Variants in SCGB1D1 observed in about 807,000 individuals in gnomAD.
SCGB1D1 encodes lipophilin A (uteroglobin family member).
Under a neutral mutation model 8.3 loss-of-function variants are expected in SCGB1D1, and 10 were observed. The ratio of observed to expected loss-of-function variants is 1.21; its 90% CI spans 0.74 to 2.05. The LOEUF (loss-of-function observed/expected upper bound fraction) is 2.05, where lower values mean the gene tolerates loss of function less well. Among genes scored for constraint, SCGB1D1 ranks in the 30% most tolerant of loss-of-function variants. The probability of loss-of-function intolerance (pLI) is 0.00; values close to 1 mark genes in which losing one functional copy is unlikely to be tolerated. For synonymous variants in SCGB1D1, 46 were observed against 41.7 expected (o/e 1.10, Z -0.39); for missense variants, 94 against 105.1 (o/e 0.89, Z 0.46).
intron 2 of SCGB1D1, among the ~76,000 whole-genome samples, 189 bp downstream of exon 2, chr11:62,192,432 G>A (rs187288066): frequency 6.6e-6 from 1 of 152,312 alleles, no homozygotes; most frequent in East Asian, 1.9e-4. Flanking sequence ...CAACTCAGCT[G>A]CACACAGCCT....
rs1454432001 is a variant in SCGB1D1 at position 62,193,422 on chromosome 11, T to A, written c.267T>A (p.Asp89Glu). 6.2e-7 allele frequency: 1 copy of A among 1,612,668 alleles called. No homozygotes were observed. The highest frequency in any genetic ancestry group is 8.5e-7 in the Non-Finnish European group (1 of 1,179,386). The change falls in exon 3 of 3, where the codon GAT becomes GAA. Residue 89 changes from aspartate to glutamate, a missense_variant. Physicochemically the swap from Asp to Glu is conservative, Grantham distance 45 (BLOSUM62 2). Coordinates refer to ENST00000306238, the MANE Select transcript of SCGB1D1 (RefSeq NM_006552.2). ...AGGGAAAAATAGCAGAGAAATGTGA[T>A]CGCTGAGATGTAAAAAGTTTTTAAT... ...KTLGKIAEKC[D>E]R
chr11:62,192,701 G>C (rs1388878760), intron 2 of SCGB1D1, among the ~76,000 whole-genome samples: 1 of 152,188 alleles, frequency 6.6e-6, no homozygotes. Flanking sequence ...TGCTGCGCTG[G>C]AGGGCTGGAC....
chr11:62,191,532 T>C (rs1016019593), intron 1 of SCGB1D1, among the ~76,000 whole-genome samples: 118 of 152,374 alleles, frequency 7.7e-4, no homozygotes, highest in African/African-American at 2.6e-3. Context: ...TCTGTCTGTA[T>C]TGAATCACAT....
intron 2 of SCGB1D1, 22 bp downstream of exon 2, chr11:62,192,265 T>C (rs762565988): frequency 3.1e-6 from 5 of 1,588,928 alleles, no homozygotes; most frequent in Non-Finnish European, 4.3e-6. Context: ...CTCTTTCATG[T>C]GTCCAGGCTT....
chr11:62,192,208 G>T lies in SCGB1D1; in HGVS notation c.208G>T (p.Ala70Ser), dbSNP rs1441698948. Residue 70 changes from alanine to serine, a missense_variant, in exon 2 of 3, where the codon GCC becomes TCC. Coordinates refer to ENST00000306238, the MANE Select transcript of SCGB1D1 (RefSeq NM_006552.2). ...MEVKKCVDTMAYEKRVLITKT... is the reference protein window; with the variant it reads ...MEVKKCVDTMSYEKRVLITKT... Reference sequence around the variant, plus strand: ...AGTGAAGAAATGCGTGGATACGATGGCCTATGAGAAAAGAGTGCTAATTAC... The same window carrying T: ...AGTGAAGAAATGCGTGGATACGATGTCCTATGAGAAAAGAGTGCTAATTAC... 11 of 1,612,954 alleles carry T rather than the reference G, an allele frequency of 6.8e-6. No individual in the cohort carries two copies. The highest frequency in any genetic ancestry group is 5.0e-5 in the Admixed American group (3 of 59,968).
chr11:62,190,809 C>T (rs1303356722), intron 1 of SCGB1D1, among the ~76,000 whole-genome samples: 1 of 152,188 alleles, frequency 6.6e-6, no homozygotes, highest in Admixed American at 6.5e-5. Context: ...CAGACATTCT[C>T]GTCCCCAGAC....
At chr11:62,192,508 TG>T (rs369467428) in intron 2 of SCGB1D1, among the ~76,000 whole-genome samples, 10 of 152,210 alleles carry the variant, frequency 6.6e-5, no homozygotes, top group African/African-American at 2.4e-4. Flanking sequence ...GCTGAGGACA[TG>T]GGGAGTGAGC....
In SCGB1D1 at chr11:62,190,270, G is replaced by A. The variant is rs1944668476; in HGVS notation, c.-15G>A. ...ATCATTGGTTAAAGCCGAGCTCACA[G>A]CAGAATAAGCCACCATGAGGCTGTC... On this transcript the variant is annotated 5_prime_UTR_variant, in exon 1 of 3. Coordinates refer to ENST00000306238, the MANE Select transcript of SCGB1D1 (RefSeq NM_006552.2). 1 of 1,614,146 alleles carries A rather than the reference G, an allele frequency of 6.2e-7. No individual in the cohort carries two copies.
Position 62,192,108 on chromosome 11 carries a change from A to G in SCGB1D1, c.108A>G (p.Leu36=). ...GTTCTGAAATCACAGGCTTCTTATT[A>G]GCTGGAAAACCTGTGTTCAAGTTCC... The part of the protein sequence containing the change: ...ALGSEITGFL[L]AGKPVFKFQL... Residue 36 remains leucine (L), a synonymous_variant, in exon 2 of 3, where the codon TTA becomes TTG. Coordinates refer to ENST00000306238, the MANE Select transcript of SCGB1D1 (RefSeq NM_006552.2). 1.2e-6 allele frequency: 2 copies of G among 1,613,240 alleles called. No homozygotes were observed. Among genetic ancestry groups the G allele is most frequent in the South Asian group, 2.2e-5 (2 of 91,012 alleles).
rs866476244 is a variant in SCGB1D1, at chr11:62,191,912, A to G, written c.56-144A>G. On this transcript the variant is annotated intron_variant, in intron 1 of 2. Transcript: ENST00000306238. Reference sequence around the variant, plus strand: ...GCTGTGTGACCTCAAGGAAGTCACAACCTCCTGGGTCTGACATTGTCATTG... The same window carrying G: ...GCTGTGTGACCTCAAGGAAGTCACAGCCTCCTGGGTCTGACATTGTCATTG... The G allele has an allele frequency of 1.6e-5, 11 of 671,022 alleles. No individual in the cohort carries two copies. In the Middle Eastern group the frequency reaches 2.7e-3, roughly 165 times the overall value. 41.6% of individuals were successfully genotyped at this position (671,022 alleles called of 1,614,324 possible).
chr11:62,192,083 G>T lies in SCGB1D1; in HGVS notation c.83G>T (p.Gly28Val). ...RANAVVCQAL[G>V]SEITGFLLAG... ...AATGCAGTGGTCTGCCAAGCTCTTGGTTCTGAAATCACAGGCTTCTTATTA... is the reference window on the plus strand; with the variant it reads ...AATGCAGTGGTCTGCCAAGCTCTTGTTTCTGAAATCACAGGCTTCTTATTA... The change falls in exon 2 of 3, where the codon GGT becomes GTT. Residue 28 changes from glycine (G) to valine (V), a missense_variant. Coordinates refer to ENST00000306238, the MANE Select transcript of SCGB1D1 (RefSeq NM_006552.2). The T allele has an allele frequency of 6.2e-7, 1 of 1,611,048 alleles. No homozygotes were observed. The highest frequency in any genetic ancestry group is 1.7e-4 in the Middle Eastern group (1 of 6,050).
intron 1 of SCGB1D1, among the ~76,000 whole-genome samples, chr11:62,190,958 A>C (rs943980557): frequency 2.0e-5 from 3 of 152,200 alleles, no homozygotes; most frequent in African/African-American, 7.2e-5. Context: ...GAAGCCTGCA[A>C]ATGAATTCTT....
chr11:62,191,986 T>C, intron 1 of SCGB1D1, 70 bp from the exon 2 acceptor site: 2 of 1,381,626 alleles, frequency 1.4e-6, no homozygotes, highest in Non-Finnish European at 2.0e-6. Context: ...CTGTCTGGTC[T>C]GACATCAGGG....
intron 2 of SCGB1D1, 152 bp from the exon 3 acceptor site, chr11:62,193,247 T>C: frequency 1.5e-6 from 1 of 659,476 alleles, no homozygotes; most frequent in Non-Finnish European, 2.6e-6. Context: ...GGTCTAGGTC[T>C]AGGCCCTGGT....
intron 1 of SCGB1D1, among the ~76,000 whole-genome samples, 156 bp downstream of exon 1, chr11:62,190,495 C>A (rs778313592): frequency 1.2e-4 from 19 of 152,238 alleles, no homozygotes; most frequent in Admixed American, 8.5e-4. Context: ...AAAGCTCGGG[C>A]CTCATTTCAT....
chr11:62,192,360 TC>T, intron 2 of SCGB1D1, 117 bp downstream of exon 2: 1 of 883,392 alleles, frequency 1.1e-6, no homozygotes, highest in Non-Finnish European at 1.8e-6. Flanking sequence ...GCCTTACTGG[TC>T]ACCGCTTGAG....
intron 2 of SCGB1D1, 127 bp from the exon 3 acceptor site, chr11:62,193,272 G>C: frequency 1.3e-6 from 1 of 767,208 alleles, no homozygotes; most frequent in Non-Finnish European, 2.1e-6. Context: ...CACACACACT[G>C]GGTTCCTGCC....
At chr11:62,193,539 ACTT>A (rs758390063), downstream of SCGB1D1, 12 of 913,544 alleles carry the variant, frequency 1.3e-5, no homozygotes, top group Non-Finnish European at 1.9e-5. Context: ...CTTGCCCTGA[ACTT>A]CTCCACTGGT....
chr11:62,192,374 G>A (rs1944685266), intron 2 of SCGB1D1, 131 bp downstream of exon 2: 2 of 739,348 alleles, frequency 2.7e-6, no homozygotes, highest in South Asian at 2.0e-5. Context: ...CGCTTGAGAA[G>A]GTCACCTGGG....
Sources: gnomAD v4.1 joint callset for allele counts (sites outside exome capture counted in the v4.1 genomes callset) on GRCh38, gnomAD v4.1.1 for gene constraint, MANE v1.5 for transcripts, NCBI Gene and HGNC (gene_info 2026-07-23, HGNC 2026-07-21) for gene names.